FAM186B: variants seen among roughly 807,000 people sequenced by gnomAD.
FAM186B encodes the protein family with sequence similarity 186 member B.
In FAM186B, 68 loss-of-function variants were observed where a neutral mutation model predicts 83.4. That is an observed-to-expected ratio of 0.81 (90% CI 0.67 to 1.00). The LOEUF (loss-of-function observed/expected upper bound fraction) is 1.00. FAM186B is among the 50% of genes least tolerant of loss of function. The pLI, the probability that FAM186B is intolerant of heterozygous loss-of-function variation, is 0.00. For synonymous variants in FAM186B, 389 were observed against 422.0 expected (o/e 0.92, Z 0.96); for missense variants, 983 against 1,099.2 (o/e 0.89, Z 1.49).
the FAM186B span, among the ~76,000 whole-genome samples, chr12:49,612,077 T>C: frequency 6.6e-6 from 1 of 152,020 alleles, no homozygotes; most frequent in Non-Finnish European, 1.5e-5. Flanking sequence ...AACTGCATAA[T>C]AGAAACTACA....
rs747144774 is a variant in FAM186B, at chr12:49,604,266, C to T, written c.322+47G>A. On this transcript the variant is annotated intron_variant, in intron 2 of 6. Coordinates refer to ENST00000257894, the MANE Select transcript of FAM186B (RefSeq NM_032130.3). ...CTGTGCTGTCCCTGTGCTCGCCACC[C>T]ACACTCCCCTCCCAGAGGAGGCACG... The T allele has an allele frequency of 3.3e-6, 5 of 1,508,582 alleles. No homozygotes were observed. The East Asian group carries it at 6.8e-5, about 20-fold the overall frequency. 93.4% of individuals were successfully genotyped at this position (1,508,582 alleles called of 1,614,324 possible).
intron 5 of FAM186B, chr12:49,595,531 C>T: frequency 2.2e-6 from 1 of 462,008 alleles, no homozygotes; most frequent in Admixed American, 2.3e-5. Context: ...GAATGGAAGC[C>T]ATTACACCTA....
Position 49,587,653 on chromosome 12 carries a change from C to T in FAM186B, c.2634G>A (p.Gln878=). ...GGGGAATATCTGGGTGTCCCCTCAG[C>T]TGGTCCCGGGGAAGGCTGGCAGGGG... ...KKTPASLPRD[Q]LRGHPDIPRL... The change falls in exon 7 of 7, where the codon CAG becomes CAA. Residue 878 remains glutamine, a synonymous_variant. Coordinates refer to ENST00000257894, the MANE Select transcript of FAM186B (RefSeq NM_032130.3). The T allele has an allele frequency of 6.2e-7, 1 of 1,613,694 alleles. No homozygotes were observed. Among genetic ancestry groups the T allele is most frequent in the South Asian group, 1.1e-5 (1 of 91,088 alleles).
the FAM186B span, among the ~76,000 whole-genome samples, chr12:49,616,132 C>T: frequency 1.5e-4 from 23 of 151,766 alleles, no homozygotes; most frequent in Non-Finnish European, 2.4e-4. Context: ...CGGGTTCAAG[C>T]GATTCTCCTG....
the FAM186B span, among the ~76,000 whole-genome samples, chr12:49,612,529 A>G: frequency 1.3e-5 from 2 of 151,192 alleles, no homozygotes; most frequent in Admixed American, 6.6e-5. Context: ...AGGTTTTTTT[A>G]TGTGTGTTTT....
At chr12:49,596,685 G>A (rs1939734809) in intron 5 of FAM186B, among the ~76,000 whole-genome samples, 1 of 152,136 alleles carries the variant, frequency 6.6e-6, no homozygotes, top group South Asian at 2.1e-4. Context: ...TTCATAGGAA[G>A]GTAGATTAGT....
upstream of FAM186B, among the ~76,000 whole-genome samples, chr12:49,605,997 C>G (rs968933511): frequency 6.6e-6 from 1 of 151,760 alleles, no homozygotes; most frequent in African/African-American, 2.4e-5. Flanking sequence ...CTCCTGACCT[C>G]GTGATCCACC....
chr12:49,611,520 C>T, the FAM186B span, among the ~76,000 whole-genome samples: 2 of 149,634 alleles, frequency 1.3e-5, no homozygotes, highest in African/African-American at 4.9e-5. Flanking sequence ...CACTGCTGCA[C>T]TTCAGCCTGG....
chr12:49,609,957 C>T (rs1940067948), upstream of FAM186B, among the ~76,000 whole-genome samples: 1 of 152,146 alleles, frequency 6.6e-6, no homozygotes, highest in Non-Finnish European at 1.5e-5. Context: ...AGAATATACC[C>T]AGCCACGCTG....
the FAM186B span, among the ~76,000 whole-genome samples, chr12:49,615,784 G>T: frequency 6.6e-6 from 1 of 150,494 alleles, no homozygotes; most frequent in East Asian, 1.9e-4. Context: ...GCAAGATTGT[G>T]TCTCAAAAAG....
At chr12:49,595,589 A>G (rs2138269439) in intron 5 of FAM186B, 1 of 436,288 alleles carries the variant, frequency 2.3e-6, no homozygotes. Context: ...TTATAAGCCC[A>G]GGGCCTAGGA....
In FAM186B at chr12:49,587,753, C is replaced by T. The variant is rs778027658; in HGVS notation, c.2535-1G>A. 5.0e-6 allele frequency: 8 copies of T among 1,611,496 alleles called. No homozygotes were observed. The highest frequency in any genetic ancestry group is 2.2e-5 in the East Asian group (1 of 44,874). ...AGCCTCCATCTGCTTCCCCTGTTGGCTGGGAGTGGGGAGTTTGGAGAATGT... is the reference window on the plus strand; with the variant it reads ...AGCCTCCATCTGCTTCCCCTGTTGGTTGGGAGTGGGGAGTTTGGAGAATGT... On this transcript the variant is annotated splice_acceptor_variant, in intron 6 of 6. Transcript: ENST00000257894. LOFTEE classifies it high-confidence loss of function.
chr12:49,598,388 GGA>G (rs2138280604), intron 5 of FAM186B, among the ~76,000 whole-genome samples: 1 of 152,296 alleles, frequency 6.6e-6, no homozygotes, highest in South Asian at 2.1e-4. Context: ...CAGACTGACA[GGA>G]GCAAGGCACG....
At chr12:49,601,170 T>G in intron 3 of FAM186B, 36 bp from the exon 4 acceptor site, 1 of 1,519,162 alleles carries the variant, frequency 6.6e-7, no homozygotes, top group Non-Finnish European at 8.8e-7. Flanking sequence ...CAACGATTTC[T>G]CATGGGTCCC....
At chr12:49,616,295 G>T in the FAM186B span, among the ~76,000 whole-genome samples, 1,349 of 152,268 alleles carry the variant, frequency 8.9e-3, 17 homozygotes, top group African/African-American at 0.03. Context: ...CTCCCAAAGT[G>T]CTGGGATTAC....
downstream of FAM186B, chr12:49,584,538 C>T (rs1939399716): frequency 2.8e-6 from 2 of 702,310 alleles, no homozygotes; most frequent in Non-Finnish European, 5.2e-6. Flanking sequence ...GGGAGTGACT[C>T]GCTTGACTTT....
At chr12:49,608,704 C>A (rs1279455614), upstream of FAM186B, among the ~76,000 whole-genome samples, 5 of 151,676 alleles carry the variant, frequency 3.3e-5, no homozygotes, top group African/African-American at 1.2e-4. Context: ...CCCGTGATGG[C>A]ATTTGGCTCA....
upstream of FAM186B, among the ~76,000 whole-genome samples, chr12:49,610,159 G>T (rs1361999390): frequency 6.7e-6 from 1 of 148,668 alleles, no homozygotes; most frequent in Non-Finnish European, 1.5e-5. Context: ...AAAAAAAACC[G>T]ATATTATAGG....
intron 5 of FAM186B, chr12:49,594,256 C>A: frequency 4.3e-6 from 1 of 232,618 alleles, no homozygotes; most frequent in South Asian, 7.5e-5. Flanking sequence ...TTTTGATGCT[C>A]AGTGAAACCT....
Sources: allele counts gnomAD v4.1 joint callset (sites outside exome capture counted in the v4.1 genomes callset), GRCh38; gene constraint gnomAD v4.1.1; transcripts MANE v1.5; gene names NCBI Gene and HGNC (gene_info 2026-07-23, HGNC 2026-07-21).